The following PTN variants were observed in gnomAD, a reference collection of about 807,000 sequenced individuals.
PTN encodes pleiotrophin.
PTN carries 18 observed loss-of-function variants against 24.1 expected under a neutral mutation model. The ratio of observed to expected loss-of-function variants is 0.75; its 90% CI spans 0.52 to 1.11. The LOEUF (loss-of-function observed/expected upper bound fraction) is 1.11. Among genes scored for constraint, PTN ranks in the 50% least tolerant of loss-of-function variants. The pLI is 0.00. For synonymous variants in PTN, 78 were observed against 68.6 expected (o/e 1.14, Z -0.67); for missense variants, 163 against 198.8 (o/e 0.82, Z 1.08).
chr7:137,295,441 C>T (rs1809704375), intron 1 of PTN, among the ~76,000 whole-genome samples: 1 of 152,054 alleles, frequency 6.6e-6, no homozygotes, highest in Admixed American at 6.6e-5. Context: ...TGAAATTTCT[C>T]ATCTGTTCTA....
chr7:137,262,778 C>A (rs1809065652), intron 1 of PTN, among the ~76,000 whole-genome samples: 1 of 152,154 alleles, frequency 6.6e-6, no homozygotes, highest in Non-Finnish European at 1.5e-5. Context: ...TTCACAAGGT[C>A]CTTCCATACA....
intron 1 of PTN, among the ~76,000 whole-genome samples, chr7:137,257,888 G>C (rs1396565354): frequency 6.6e-6 from 1 of 152,140 alleles, no homozygotes. Flanking sequence ...AGCAAGAAGA[G>C]AGGCCAGAAG....
intron 4 of PTN, among the ~76,000 whole-genome samples, 167 bp from the exon 5 acceptor site, chr7:137,228,242 CATGTGTGTGTGT>C (rs1483265719): frequency 6.6e-6 from 1 of 151,468 alleles, no homozygotes; most frequent in Non-Finnish European, 1.5e-5. Context: ...TGTGTATGTG[CATGTGTGTGTGT>C]GTGTCTGTCT....
chr7:137,299,134 A>G (rs769433813), intron 1 of PTN, among the ~76,000 whole-genome samples: 10 of 151,938 alleles, frequency 6.6e-5, no homozygotes, highest in Admixed American at 6.6e-5. Context: ...AATACTGTTC[A>G]ACACTAATAT....
intron 1 of PTN, among the ~76,000 whole-genome samples, chr7:137,260,489 C>T (rs752113362): frequency 7.9e-5 from 12 of 151,994 alleles, no homozygotes; most frequent in Non-Finnish European, 1.3e-4. Flanking sequence ...TTCAAGGGTG[C>T]TTCCCTTGAC....
chr7:137,230,217 C>T (rs1217684492), intron 4 of PTN, among the ~76,000 whole-genome samples: 1 of 151,786 alleles, frequency 6.6e-6, no homozygotes, highest in Non-Finnish European at 1.5e-5. Context: ...GTAAGGTTGT[C>T]CATTTCAAAG....
chr7:137,339,140 G>C (rs1349716311), intron 1 of PTN, among the ~76,000 whole-genome samples: 1 of 152,076 alleles, frequency 6.6e-6, no homozygotes, highest in Non-Finnish European at 1.5e-5. Flanking sequence ...TAAAATGTTG[G>C]GATTAGCAAT....
chr7:137,281,080 G>A (rs1809466297), intron 1 of PTN, among the ~76,000 whole-genome samples: 1 of 151,974 alleles, frequency 6.6e-6, no homozygotes, highest in South Asian at 2.1e-4. Context: ...TTGGTTTGGA[G>A]ACTATTTCTT....
chr7:137,234,068 T>G (rs1808478560), intron 4 of PTN, among the ~76,000 whole-genome samples: 1 of 151,868 alleles, frequency 6.6e-6, no homozygotes, highest in Non-Finnish European at 1.5e-5. Context: ...TATTTATGTT[T>G]TCTTTCTATG....
At chr7:137,304,258 G>C (rs1809851585) in intron 1 of PTN, among the ~76,000 whole-genome samples, 1 of 151,678 alleles carries the variant, frequency 6.6e-6, no homozygotes, top group Non-Finnish European at 1.5e-5. Context: ...GTTACTTTGG[G>C]TTACAATATG....
At chr7:137,311,516 T>C (rs1420868638) in intron 1 of PTN, among the ~76,000 whole-genome samples, 2 of 152,148 alleles carry the variant, frequency 1.3e-5, no homozygotes, top group African/African-American at 2.4e-5. Flanking sequence ...CCACTAAGAG[T>C]AGTCATTTCT....
At position 137,260,588 on chromosome 7, in the gene PTN, T is replaced by A. The variant is rs1225676456; in HGVS notation, c.-1-5614A>T. Among the ~76,000 whole-genome samples, 5 of 152,142 alleles carry A rather than the reference T, an allele frequency of 3.3e-5. No individual in the cohort carries two copies. The East Asian group carries it at 9.6e-4, about 29-fold the overall frequency. On this transcript the variant is annotated intron_variant, in intron 1 of 4. Coordinates refer to ENST00000348225, the MANE Select transcript of PTN (RefSeq NM_002825.7). ...TATACAGGATTACCCTCCATCACTT[T>A]CTTTTTCTTGCTTTTTACTTTTACA...
intron 4 of PTN, among the ~76,000 whole-genome samples, chr7:137,234,852 G>C (rs1808492209): frequency 6.6e-6 from 1 of 152,082 alleles, no homozygotes; most frequent in Non-Finnish European, 1.5e-5. Context: ...GGGGAGCCCA[G>C]ATTTTAACTA....
chr7:137,229,975 G>A (rs1260543527), intron 4 of PTN, among the ~76,000 whole-genome samples: 1 of 151,704 alleles, frequency 6.6e-6, no homozygotes, highest in Admixed American at 6.6e-5. Flanking sequence ...ACCTAACTCT[G>A]GTTTTCCCTC....
intron 4 of PTN, among the ~76,000 whole-genome samples, chr7:137,245,992 T>C (rs913661128): frequency 6.6e-6 from 1 of 152,224 alleles, no homozygotes; most frequent in African/African-American, 2.4e-5. Context: ...CATTTACTGT[T>C]GGAGAAAGAA....
intron 1 of PTN, among the ~76,000 whole-genome samples, chr7:137,330,696 G>C (rs1190651550): frequency 6.6e-6 from 1 of 152,158 alleles, no homozygotes; most frequent in Non-Finnish European, 1.5e-5. Context: ...CCTGTTTTGG[G>C]AAGGAACTCT....
Position 137,253,571 on chromosome 7 carries a change from T to C in PTN, c.182A>G (p.Asp61Gly), listed in dbSNP as rs575334220. 6.2e-7 allele frequency: 1 copy of C among 1,611,420 alleles called. No homozygotes were observed. The highest frequency in any genetic ancestry group is 2.2e-5 in the East Asian group (1 of 44,818). Residue 61 changes from aspartate to glycine, a missense_variant, in exon 3 of 5, where the codon GAC becomes GGC. Physicochemically the swap from Asp to Gly is moderately conservative, Grantham distance 94. Coordinates refer to ENST00000348225, the MANE Select transcript of PTN (RefSeq NM_002825.7). The stretch of plus-strand genomic sequence containing the variant: ...GCCCTCCCGTGTGCCCAGCCCACAG[T>C]CTCCACTGGTGGGCACACACACACT... The part of the protein sequence containing the change: ...QWSVCVPTSG[D>G]CGLGTREGTR...
intron 1 of PTN, among the ~76,000 whole-genome samples, chr7:137,277,709 AC>A (rs1048492498): frequency 1.3e-5 from 2 of 152,110 alleles, no homozygotes; most frequent in East Asian, 1.9e-4. Flanking sequence ...AGCTGGGACT[AC>A]AGGCACATGT....
intron 1 of PTN, among the ~76,000 whole-genome samples, chr7:137,283,915 G>T (rs140947235): frequency 3.6e-4 from 49 of 136,836 alleles, no homozygotes; most frequent in African/African-American, 1.3e-3. Flanking sequence ...TTTAATGCAT[G>T]CAGTGTTGAT....
Sources: allele counts gnomAD v4.1 joint callset (sites outside exome capture counted in the v4.1 genomes callset), GRCh38; gene constraint gnomAD v4.1.1; transcripts MANE v1.5; gene names NCBI Gene and HGNC (gene_info 2026-07-23, HGNC 2026-07-21).